DNAH11: variants seen among roughly 807,000 people sequenced by gnomAD.
DNAH11 encodes the protein dynein axonemal heavy chain 11.
In DNAH11, 442 loss-of-function variants were observed where a neutral mutation model predicts 526.0. The observed-to-expected ratio is 0.84, with a 90% CI of 0.78 to 0.91. The LOEUF is 0.91. DNAH11 is among the 40% of genes least tolerant of loss of function. DNAH11 has a pLI of 0.00. For missense variants in DNAH11, 6,989 were observed against 5,448.7 expected (o/e 1.28, Z -8.90); for synonymous variants, 2,461 against 1,935.9 (o/e 1.27, Z -7.12).
rs572601651 is a variant in DNAH11 at position 21,643,817 on chromosome 7, G to A, written c.4944+4752G>A. 4.6e-4 allele frequency among the ~76,000 whole-genome samples: 70 copies of A among 152,124 alleles called. No homozygotes were observed. The South Asian group carries it at 0.014, about 31-fold the overall frequency. ...AAAGACTTGCTGCAAATAAAATAAT[G>A]CAAAAGATCTCACTTTTTATATTAC... is the stretch of plus-strand genomic sequence containing the variant. On this transcript the variant is annotated intron_variant, in intron 28 of 81. Transcript: ENST00000409508.
At chr7:21,736,822 C>T (rs1024446402) in intron 46 of DNAH11, among the ~76,000 whole-genome samples, 6 of 152,026 alleles carry the variant, frequency 3.9e-5, no homozygotes, top group African/African-American at 1.4e-4. Context: ...GATACCTGTC[C>T]CCCAAAAAGA....
At chr7:21,549,874 A>G (rs1782953336) in intron 2 of DNAH11, among the ~76,000 whole-genome samples, 1 of 152,158 alleles carries the variant, frequency 6.6e-6, no homozygotes, top group South Asian at 2.1e-4. Context: ...CTGATTTTCC[A>G]CATTCCCACA....
At position 21,584,896 on chromosome 7, in the gene DNAH11, A is replaced by G. The variant is rs776724585; in HGVS notation, c.1710+2875A>G. ...TATTTTTTTACATGTGTGATAGTCT[A>G]TCATATTCTTTGCTACTGGAACTAG... is the stretch of plus-strand genomic sequence containing the variant. On this transcript the variant is annotated intron_variant, in intron 9 of 81. Coordinates refer to ENST00000409508, the MANE Select transcript of DNAH11 (RefSeq NM_001277115.2). Among the ~76,000 whole-genome samples the G allele has an allele frequency of 9.2e-5, 14 of 152,008 alleles. 1 individual carries two copies. The highest frequency in any genetic ancestry group is 2.9e-4 in the African/African-American group (12 of 41,338).
rs536030573 is a variant in DNAH11, at chr7:21,829,031, C to G, written c.10691+10692C>G. On this transcript the variant is annotated intron_variant, in intron 65 of 81. Transcript: ENST00000409508. ...TTTGACCAACTTGCACAGCCCTTCC[C>G]GCTGAGGTTGCTAAGTAACAACTCC... 3.9e-5 allele frequency among the ~76,000 whole-genome samples: 6 copies of G among 152,226 alleles called. No individual in the cohort carries two copies. In the East Asian group the frequency reaches 7.7e-4, roughly 20 times the overall value.
intron 68 of DNAH11, among the ~76,000 whole-genome samples, chr7:21,856,194 T>C (rs1274535329): frequency 2.0e-5 from 3 of 152,144 alleles, no homozygotes. Context: ...TTGGGGATTA[T>C]AATCTGTGTG....
intron 25 of DNAH11, among the ~76,000 whole-genome samples, chr7:21,626,515 A>ACT (rs1478341921): frequency 7.3e-5 from 11 of 150,992 alleles, no homozygotes; most frequent in Non-Finnish European, 1.3e-4. Context: ...TTCTTTGAAA[A>ACT]CTCTCCGTAC....
At chr7:21,893,662 A>G (rs1051901935) in intron 77 of DNAH11, among the ~76,000 whole-genome samples, 1 of 152,224 alleles carries the variant, frequency 6.6e-6, no homozygotes, top group African/African-American at 2.4e-5. Flanking sequence ...AGCTGTCTAC[A>G]TAGAATTAGT....
intron 54 of DNAH11, among the ~76,000 whole-genome samples, chr7:21,755,493 A>C (rs1039572984): frequency 2.0e-5 from 3 of 152,120 alleles, no homozygotes; most frequent in African/African-American, 7.2e-5. Flanking sequence ...TATTTGCCTC[A>C]TTATCTTTCT....
intron 65 of DNAH11, among the ~76,000 whole-genome samples, chr7:21,823,447 A>G (rs993709385): frequency 6.6e-6 from 1 of 152,112 alleles, no homozygotes; most frequent in Non-Finnish European, 1.5e-5. Context: ...TTCACAGCCT[A>G]AATTCACTAT....
At chr7:21,760,375 C>T (rs1000084428) in intron 54 of DNAH11, among the ~76,000 whole-genome samples, 5 of 152,106 alleles carry the variant, frequency 3.3e-5, no homozygotes, top group Admixed American at 6.6e-5. Context: ...TTTGGGGACC[C>T]GACTTGCCCA....
chr7:21,569,777 A>T (rs1450791090), intron 6 of DNAH11, among the ~76,000 whole-genome samples: 1 of 152,226 alleles, frequency 6.6e-6, no homozygotes, highest in Non-Finnish European at 1.5e-5. Context: ...AGGCACAGTC[A>T]TGCAAATTAC....
chr7:21,805,760 GA>G (rs746753729), intron 62 of DNAH11, among the ~76,000 whole-genome samples: 5 of 152,068 alleles, frequency 3.3e-5, no homozygotes, highest in Non-Finnish European at 7.4e-5. Context: ...ACAAGGAAGG[GA>G]AAAGAAAATT....
At chr7:21,689,152 T>C (rs1783509892) in intron 34 of DNAH11, among the ~76,000 whole-genome samples, 1 of 152,222 alleles carries the variant, frequency 6.6e-6, no homozygotes, top group Admixed American at 6.5e-5. Context: ...CTGTCCCATC[T>C]CTAAGGCCAT....
chr7:21,853,114 GA>G (rs1246323035), intron 67 of DNAH11, among the ~76,000 whole-genome samples: 23 of 152,098 alleles, frequency 1.5e-4, no homozygotes, highest in African/African-American at 5.3e-4. Context: ...TTCACCCCAG[GA>G]AAAATGACAT....
At chr7:21,788,206 T>C (rs2127987709) in intron 60 of DNAH11, among the ~76,000 whole-genome samples, 1 of 152,332 alleles carries the variant, frequency 6.6e-6, no homozygotes, top group Middle Eastern at 3.4e-3. Flanking sequence ...CTCACAACTC[T>C]GAAGAACTCT....
intron 32 of DNAH11, 147 bp downstream of exon 32, chr7:21,684,091 AC>A: frequency 1.2e-6 from 1 of 858,958 alleles, no homozygotes; most frequent in Non-Finnish European, 1.7e-6. Flanking sequence ...AAACAGAGTT[AC>A]AGAAGCTATA....
chr7:21,603,991 G>A lies in DNAH11; in HGVS notation c.3648+2373G>A, dbSNP rs190014777. On this transcript the variant is annotated intron_variant, in intron 18 of 81. Coordinates refer to ENST00000409508, the MANE Select transcript of DNAH11 (RefSeq NM_001277115.2). ...TGTATCAGTAATTTAGACTTGTCAG[G>A]AGGGAAAATAAGATTCATAGGCGGT... Among the ~76,000 whole-genome samples, 108 of 152,282 alleles carry A rather than the reference G, an allele frequency of 7.1e-4. 1 individual carries two copies. Among genetic ancestry groups the A allele is most frequent in the African/African-American group, 2.3e-3 (96 of 41,568 alleles).
At chr7:21,670,173 G>T (rs1010731103) in intron 30 of DNAH11, among the ~76,000 whole-genome samples, 3 of 152,038 alleles carry the variant, frequency 2.0e-5, no homozygotes, top group African/African-American at 4.8e-5. Context: ...AGAACATGGT[G>T]TATCTCTTTA....
At chr7:21,695,683 C>G (rs12670799) in intron 35 of DNAH11, among the ~76,000 whole-genome samples, 1 of 152,140 alleles carries the variant, frequency 6.6e-6, no homozygotes, top group Non-Finnish European at 1.5e-5. Context: ...TAGGCATGGA[C>G]AAAGACTTCA....
Sources: allele counts gnomAD v4.1 joint callset (sites outside exome capture counted in the v4.1 genomes callset), GRCh38; gene constraint gnomAD v4.1.1; transcripts MANE v1.5; gene names NCBI Gene and HGNC (gene_info 2026-07-23, HGNC 2026-07-21).